The following ACYP2 variants were observed in gnomAD, a reference collection of about 807,000 sequenced individuals.
ACYP2 encodes the protein acylphosphatase-2.
Under a neutral mutation model 11.2 loss-of-function variants are expected in ACYP2, and 12 were observed. That is an observed-to-expected ratio of 1.08 (90% CI 0.69 to 1.74). The LOEUF is 1.74. Among genes scored for constraint, ACYP2 ranks in the 40% most tolerant of loss-of-function variants. ACYP2 has a pLI of 0.00. For missense variants in ACYP2, 134 were observed against 101.9 expected (o/e 1.31, Z -1.35); for synonymous variants, 43 against 32.2 (o/e 1.33, Z -1.13).
intron 6 of ACYP2, among the ~76,000 whole-genome samples, chr2:54,236,193 C>T (rs1356575427): frequency 6.6e-6 from 1 of 152,136 alleles, no homozygotes; most frequent in Non-Finnish European, 1.5e-5. Flanking sequence ...TCCTTGGCCT[C>T]CCAAAGTGCT....
At chr2:54,267,219 G>C (rs1338557006) in intron 6 of ACYP2, 4 of 1,485,098 alleles carry the variant, frequency 2.7e-6, no homozygotes, top group Non-Finnish European at 3.6e-6. Flanking sequence ...CTATAAAAGT[G>C]CCTGGCACAA....
chr2:54,074,918 A>G (rs554321395), intron 4 of ACYP2, among the ~76,000 whole-genome samples: 2 of 152,248 alleles, frequency 1.3e-5, no homozygotes, highest in East Asian at 1.9e-4. Flanking sequence ...GTAAGTCGTA[A>G]TCTCACCCAA....
At chr2:54,191,383 A>C (rs1234194431) in intron 6 of ACYP2, among the ~76,000 whole-genome samples, 1 of 151,988 alleles carries the variant, frequency 6.6e-6, no homozygotes, top group African/African-American at 2.4e-5. Flanking sequence ...CAAACACACA[A>C]ATGCTGCCTC....
At chr2:54,152,827 GTTATT>G (rs907693758) in intron 6 of ACYP2, among the ~76,000 whole-genome samples, 13 of 151,768 alleles carry the variant, frequency 8.6e-5, no homozygotes, top group African/African-American at 3.1e-4. Flanking sequence ...TTCCAAATTT[GTTATT>G]TTATTAATTT....
chr2:54,146,439 A>ATTTTTTTTT (rs11360655), intron 6 of ACYP2, among the ~76,000 whole-genome samples: 1 of 140,612 alleles, frequency 7.1e-6, no homozygotes, highest in Non-Finnish European at 1.6e-5. Context: ...CTGATCCTCT[A>ATTTTTTTTT]TTTTTTTTTT....
At chr2:53,974,886 A>G (rs1671391852) in intron 2 of ACYP2, among the ~76,000 whole-genome samples, 4 of 152,032 alleles carry the variant, frequency 2.6e-5, no homozygotes, top group African/African-American at 9.7e-5. Flanking sequence ...GTAAGTGAAG[A>G]GAGTAGAGAG....
chr2:54,119,429 G>C (rs942960893), intron 4 of ACYP2, among the ~76,000 whole-genome samples: 6 of 152,126 alleles, frequency 3.9e-5, no homozygotes, highest in Admixed American at 3.9e-4. Flanking sequence ...AGTGAAAACT[G>C]TCTTGTTAGA....
At chr2:54,238,620 ATTAGT>A (rs1381368420) in intron 6 of ACYP2, among the ~76,000 whole-genome samples, 2 of 152,142 alleles carry the variant, frequency 1.3e-5, no homozygotes, top group African/African-American at 4.8e-5. Flanking sequence ...TATAGCTTTC[ATTAGT>A]TTAAATTAAC....
intron 6 of ACYP2, among the ~76,000 whole-genome samples, chr2:54,280,272 T>C (rs1366135424): frequency 3.3e-5 from 5 of 152,150 alleles, no homozygotes; most frequent in African/African-American, 4.8e-5. Context: ...TCATGGTTGA[T>C]TGACTGTCCA....
At chr2:54,288,105 C>G (rs1197491287) in intron 6 of ACYP2, among the ~76,000 whole-genome samples, 2 of 151,930 alleles carry the variant, frequency 1.3e-5, no homozygotes, top group Non-Finnish European at 2.9e-5. Flanking sequence ...TTTCCTCTAT[C>G]CAGGGAAAAT....
chr2:54,054,340 GTTC>G (rs1676012131), intron 3 of ACYP2, among the ~76,000 whole-genome samples: 1 of 152,176 alleles, frequency 6.6e-6, no homozygotes, highest in Non-Finnish European at 1.5e-5. Flanking sequence ...TGTAAAAAAG[GTTC>G]TTCTTTTGCT....
intron 4 of ACYP2, among the ~76,000 whole-genome samples, chr2:54,091,884 A>G (rs1373145605): frequency 1.3e-5 from 2 of 152,118 alleles, no homozygotes; most frequent in Non-Finnish European, 2.9e-5. Context: ...TCTCATTTTT[A>G]TACCTCAGAG....
intron 6 of ACYP2, among the ~76,000 whole-genome samples, chr2:54,194,186 T>G (rs1403749046): frequency 2.6e-5 from 4 of 152,080 alleles, no homozygotes; most frequent in Non-Finnish European, 5.9e-5. Context: ...ACCACAGGGG[T>G]GTGCCACCGC....
At chr2:54,135,622 C>T (rs1291158321) in intron 5 of ACYP2, among the ~76,000 whole-genome samples, 153 bp downstream of exon 2, 2 of 152,108 alleles carry the variant, frequency 1.3e-5, no homozygotes, top group Non-Finnish European at 2.9e-5. Flanking sequence ...TTTGAAATTA[C>T]TGATTGAGAT....
intron 4 of ACYP2, among the ~76,000 whole-genome samples, chr2:54,090,808 T>A (rs901118144): frequency 6.6e-6 from 1 of 152,204 alleles, no homozygotes; most frequent in African/African-American, 2.4e-5. Context: ...TGTATCATTG[T>A]CCTGGGCCAC....
At chr2:53,972,895 A>G (rs552613344) in intron 1 of ACYP2, among the ~76,000 whole-genome samples, 124 of 152,358 alleles carry the variant, frequency 8.1e-4, no homozygotes, top group Admixed American at 1.8e-3. Context: ...GTATGTTGAC[A>G]TATGTATCAG....
intron 2 of ACYP2, among the ~76,000 whole-genome samples, chr2:54,016,725 CTTT>C (rs5831288): frequency 2.5e-4 from 32 of 129,658 alleles, no homozygotes; most frequent in South Asian, 2.5e-4. Flanking sequence ...CCTTCAGTGT[CTTT>C]TTTTTTTTTT....
intron 4 of ACYP2, among the ~76,000 whole-genome samples, chr2:54,105,336 C>T (rs1679099295): frequency 6.6e-6 from 1 of 152,164 alleles, no homozygotes; most frequent in Non-Finnish European, 1.5e-5. Flanking sequence ...TTTCTACATG[C>T]TATTCCCTCT....
chr2:54,029,449 A>G (rs948485748), intron 2 of ACYP2: 6 of 280,734 alleles, frequency 2.1e-5, no homozygotes, highest in African/African-American at 1.3e-4. Flanking sequence ...GTATATATGT[A>G]TATGTACACA....
Sources: gnomAD v4.1 joint callset for allele counts (sites outside exome capture counted in the v4.1 genomes callset) on GRCh38, gnomAD v4.1.1 for gene constraint, MANE v1.5 for transcripts, NCBI Gene and HGNC (gene_info 2026-07-23, HGNC 2026-07-21) for gene names.